AP2A2: variants seen among roughly 807,000 people sequenced by gnomAD.
AP2A2 encodes the protein AP-2 complex subunit alpha-2.
A neutral mutation model predicts 104.2 loss-of-function variants in AP2A2; 32 were observed. That is an observed-to-expected ratio of 0.31 (90% confidence interval 0.23 to 0.41). The LOEUF (loss-of-function observed/expected upper bound fraction) is 0.41. Among genes scored for constraint, AP2A2 ranks in the 10% least tolerant of loss-of-function variants. The pLI, the probability that AP2A2 is intolerant of heterozygous loss-of-function variation, is 1.00. For synonymous variants in AP2A2, 539 were observed against 533.3 expected, an observed-to-expected ratio of 1.01 and a Z score of -0.15; for missense variants, 912 against 1,261.0, an observed-to-expected ratio of 0.72 and a Z score of 4.19.
At chr11:935,537 A>G (rs1231924522) in intron 1 of AP2A2, among the ~76,000 whole-genome samples, 3 of 146,904 alleles carry the variant, frequency 2.0e-5, no homozygotes, top group African/African-American at 7.5e-5. Context: ...CCTGACCTCA[A>G]GTGATGCGCC....
chr11:1,007,845 T>C lies in AP2A2; in HGVS notation c.2297-167T>C, dbSNP rs576310572. 81 of 883,994 alleles carry C rather than the reference T, an allele frequency of 9.2e-5. No individual in the cohort carries two copies. In the South Asian group the frequency reaches 1.2e-3, roughly 13 times the overall value. The allele number at this position is 883,994 out of a possible 1,614,324, so 54.8% of individuals were successfully genotyped here. On this transcript the variant is annotated intron_variant, in intron 17 of 21. Coordinates refer to ENST00000448903, the MANE Select transcript of AP2A2 (RefSeq NM_012305.4). The stretch of plus-strand genomic sequence containing the variant: ...AGCAGACAGTGTTTTGAGGATTGTC[T>C]GGGTGGAAGGGCAGGGCCGGGTGGT...
intron 14 of AP2A2, among the ~76,000 whole-genome samples, chr11:999,806 T>TC (rs1269485279): frequency 1.4e-5 from 2 of 145,674 alleles, no homozygotes; most frequent in African/African-American, 5.0e-5. Context: ...GTTCTTTCTT[T>TC]TTTTTTTTTT....
chr11:990,566 C>T (rs1023012590), intron 10 of AP2A2, among the ~76,000 whole-genome samples: 3 of 152,156 alleles, frequency 2.0e-5, no homozygotes, highest in African/African-American at 7.2e-5. Context: ...GCGTGATGAG[C>T]GGCAATCCTC....
chr11:969,978 T>G (rs1000259298), intron 2 of AP2A2, among the ~76,000 whole-genome samples, 191 bp from the exon 3 acceptor site: 12 of 152,094 alleles, frequency 7.9e-5, no homozygotes, highest in African/African-American at 2.7e-4. Context: ...ACTTGGACTC[T>G]CATGAGTACC....
At chr11:981,868 G>C (rs896083222) in intron 6 of AP2A2, among the ~76,000 whole-genome samples, 1 of 152,242 alleles carries the variant, frequency 6.6e-6, no homozygotes, top group African/African-American at 2.4e-5. Flanking sequence ...GTTTCCATGT[G>C]CACGAGATGG....
intron 4 of AP2A2, among the ~76,000 whole-genome samples, chr11:975,507 G>T (rs1854995775): frequency 6.8e-6 from 1 of 147,092 alleles, no homozygotes; most frequent in Admixed American, 6.6e-5. Flanking sequence ...GGGGTCCTCG[G>T]TCTCCCTCTT....
chr11:1,008,838 G>A, intron 18 of AP2A2: 1 of 544,924 alleles, frequency 1.8e-6, no homozygotes, highest in Non-Finnish European at 3.2e-6. Flanking sequence ...CAGACTTGGA[G>A]TTCTGGGAAA....
At chr11:953,128 A>G (rs1854106437) in intron 1 of AP2A2, among the ~76,000 whole-genome samples, 1 of 152,208 alleles carries the variant, frequency 6.6e-6, no homozygotes, top group Admixed American at 6.5e-5. Flanking sequence ...GCAGGTCATC[A>G]TCCGTCATCT....
intron 21 of AP2A2, chr11:1,010,031 A>T (rs950577548): frequency 5.0e-5 from 28 of 564,832 alleles, no homozygotes; most frequent in African/African-American, 5.7e-5. Context: ...GTTGTGACAG[A>T]TGTTGTGTGC....
chr11:991,953 G>C (rs567357215), intron 10 of AP2A2, among the ~76,000 whole-genome samples: 2 of 152,288 alleles, frequency 1.3e-5, no homozygotes, highest in African/African-American at 4.8e-5. Flanking sequence ...TGGCTGCCAC[G>C]TGGGTGTGGG....
chr11:970,405 G>A (rs7394427), intron 3 of AP2A2, 94 bp downstream of exon 3: 785,406 of 1,504,872 alleles, frequency 0.52, 209,992 homozygotes, highest in Admixed American at 0.67. Flanking sequence ...TTCCTTCTCT[G>A]CCCACAGCTG....
At chr11:987,267 C>G (rs1371386197) in intron 9 of AP2A2, among the ~76,000 whole-genome samples, 3 of 152,218 alleles carry the variant, frequency 2.0e-5, no homozygotes, top group Non-Finnish European at 4.4e-5. Flanking sequence ...AGAAATGGTT[C>G]TTCTTGGTAG....
intron 4 of AP2A2, 103 bp downstream of exon 4, chr11:972,358 CCATCTTATGGGAG>C: frequency 7.9e-7 from 1 of 1,258,678 alleles, no homozygotes. Flanking sequence ...TTTACTCTCC[CCATCTTATGGGAG>C]ATGAGATGTA....
In AP2A2 at chr11:938,389, G is replaced by A. The variant is rs114625508; in HGVS notation, c.67+12301G>A. On this transcript the variant is annotated intron_variant, in intron 1 of 21. Transcript: ENST00000448903. ...ATGGGTCTCCATCATTCCTCGCATC[G>A]ATTACCAAATATGTTCTAGAACATT... 4.6e-3 allele frequency among the ~76,000 whole-genome samples: 700 copies of A among 152,012 alleles called. 4 individuals are homozygous for A. Among genetic ancestry groups the A allele is most frequent in the African/African-American group, 0.015 (626 of 41,458 alleles).
chr11:939,220 C>T (rs765367518), intron 1 of AP2A2, among the ~76,000 whole-genome samples: 10 of 144,236 alleles, frequency 6.9e-5, no homozygotes, highest in Non-Finnish European at 1.0e-4. Flanking sequence ...CATTGCACTC[C>T]AGCCTGGTGA....
intron 16 of AP2A2, 47 bp from the exon 17 acceptor site, chr11:1,006,481 T>C (rs1856211289): frequency 7.6e-7 from 1 of 1,308,152 alleles, no homozygotes; most frequent in African/African-American, 1.5e-5. Flanking sequence ...ATATTCAGGG[T>C]AAGTGTGAAA....
intron 8 of AP2A2, 78 bp from the exon 9 acceptor site, chr11:986,707 G>A (rs778802195): frequency 1.7e-4 from 251 of 1,518,096 alleles, no homozygotes; most frequent in Non-Finnish European, 2.1e-4. Flanking sequence ...ATCTGGACCC[G>A]TCGGGGAACG....
chr11:999,851 T>C (rs889902304), intron 14 of AP2A2, among the ~76,000 whole-genome samples: 1 of 149,268 alleles, frequency 6.7e-6, no homozygotes, highest in Non-Finnish European at 1.5e-5. Context: ...TCGCCCAGGC[T>C]GGAGTGCCGT....
Position 1,008,909 on chromosome 11 carries a change from G to C in AP2A2, c.2421-191G>C, listed in dbSNP as rs192835976. The C allele has an allele frequency of 3.5e-3, 2,096 of 601,724 alleles. 7 individuals carry two copies. Among genetic ancestry groups the C allele is most frequent in the Non-Finnish European group, 5.1e-3 (1,734 of 338,406 alleles). The allele number at this position is 601,724 out of a possible 1,614,324, so 37.3% of individuals were successfully genotyped here. On this transcript the variant is annotated intron_variant, in intron 18 of 21. Coordinates refer to ENST00000448903, the MANE Select transcript of AP2A2 (RefSeq NM_012305.4). Reference sequence around the variant, plus strand: ...CTGCCTGAGTATGCGGCCCTGGCCTGTCCTCCTGTCTGTGGGTGACACTGG... The same window carrying C: ...CTGCCTGAGTATGCGGCCCTGGCCTCTCCTCCTGTCTGTGGGTGACACTGG...
Sources: allele counts gnomAD v4.1 joint callset (sites outside exome capture counted in the v4.1 genomes callset), GRCh38; gene constraint gnomAD v4.1.1; transcripts MANE v1.5; gene names NCBI Gene and HGNC (gene_info 2026-07-23, HGNC 2026-07-21).